The following OPRM1 variants were observed in gnomAD, a reference collection of about 807,000 sequenced individuals.
The protein encoded by OPRM1 is mu-type opioid receptor.
A neutral mutation model predicts 31.8 loss-of-function variants in OPRM1; 27 were observed. That is an observed-to-expected ratio of 0.85 (90% CI 0.63 to 1.17). The LOEUF is 1.17. Ranked by LOEUF, OPRM1 falls within the 50% of genes most tolerant of loss-of-function variation. OPRM1 has a pLI of 0.00. For missense variants in OPRM1, 536 were observed against 511.1 expected (o/e 1.05, Z -0.47); for synonymous variants, 196 against 189.9 (o/e 1.03, Z -0.26).
chr6:154,120,205 T>G lies in OPRM1; in HGVS notation c.*1484T>G, dbSNP rs1797229672. ...AGCCTACAATTGTAAAATTGTAGAC[T>G]CCATTGTAAAATTTGTATTTTTTCA... On this transcript the variant is annotated 3_prime_UTR_variant, in exon 4 of 4. Transcript: ENST00000330432. Among the ~76,000 whole-genome samples, 1 of 152,160 alleles carries G rather than the reference T, an allele frequency of 6.6e-6. No individual in the cohort carries two copies. Among genetic ancestry groups the G allele is most frequent in the South Asian group, 2.1e-4 (1 of 4,830 alleles).
intron 3 of OPRM1, among the ~76,000 whole-genome samples, chr6:154,153,249 C>T (rs1236777344): frequency 2.6e-5 from 4 of 152,258 alleles, no homozygotes; most frequent in Non-Finnish European, 4.4e-5. Flanking sequence ...GGGAGATTTG[C>T]AGTAAGCAGG....
At chr6:154,087,353 G>T in intron 1 of OPRM1, 1 of 985,414 alleles carries the variant, frequency 1.0e-6, no homozygotes, top group Non-Finnish European at 1.2e-6. Flanking sequence ...CCAACCAACA[G>T]CTGTCTTGGG....
intron 1 of OPRM1, among the ~76,000 whole-genome samples, chr6:154,063,733 T>C (rs1784829558): frequency 6.6e-6 from 1 of 152,074 alleles, no homozygotes; most frequent in Admixed American, 6.5e-5. Context: ...AGTTAACTAA[T>C]ATAAGAAGAA....
At chr6:154,042,595 T>G (rs1780302278) in intron 1 of OPRM1, among the ~76,000 whole-genome samples, 1 of 152,200 alleles carries the variant, frequency 6.6e-6, no homozygotes, top group African/African-American at 2.4e-5. Context: ...ACTCTTTGGT[T>G]CTGTTTGTAA....
Position 154,089,834 on chromosome 6 carries a change from A to C in OPRM1, c.299A>C (p.Lys100Thr), listed in dbSNP as rs200783280. 6.2e-7 allele frequency: 1 copy of C among 1,611,228 alleles called. No individual in the cohort carries two copies. The highest frequency in any genetic ancestry group is 1.1e-5 in the South Asian group (1 of 90,720). Residue 100 changes from lysine (K) to threonine (T), a missense_variant, in exon 2 of 4, where the codon AAG becomes ACG. Coordinates refer to ENST00000330432, the MANE Select transcript of OPRM1 (RefSeq NM_000914.5). ...CTTCCTTTATCTCCTAGATACACCA[A>C]GATGAAGACTGCCACCAACATCTAC... ...LVMYVIVRYT[K>T]MKTATNIYIF...
At chr6:154,197,987 C>T (rs1282410387) in intron 3 of OPRM1, among the ~76,000 whole-genome samples, 1 of 152,114 alleles carries the variant, frequency 6.6e-6, no homozygotes, top group African/African-American at 2.4e-5. Flanking sequence ...AGATAGAGGT[C>T]ATCTAGTTCA....
In OPRM1 at chr6:154,120,587, A is replaced by G. The variant is rs144331720; in HGVS notation, c.*1866A>G. Among the ~76,000 whole-genome samples, 278 of 152,296 alleles carry G rather than the reference A, an allele frequency of 1.8e-3. 3 individuals are homozygous for G. The highest frequency in any genetic ancestry group is 6.4e-3 in the African/African-American group (264 of 41,562). On this transcript the variant is annotated 3_prime_UTR_variant, in exon 4 of 4. Transcript: ENST00000330432. The stretch of plus-strand genomic sequence containing the variant: ...TGTACTAGGGTGTATATATTTACAT[A>G]TATACACTACTAGAGCTTCCAAAAG...
intron 3 of OPRM1, chr6:154,158,240 G>C (rs1483881975): frequency 6.6e-6 from 1 of 152,186 alleles, no homozygotes; most frequent in Non-Finnish European, 1.5e-5. Context: ...AAACAAAATA[G>C]GTTGTGTGAA....
At chr6:154,188,626 T>C (rs1485609073) in intron 3 of OPRM1, among the ~76,000 whole-genome samples, 2 of 152,190 alleles carry the variant, frequency 1.3e-5, no homozygotes, top group Non-Finnish European at 2.9e-5. Flanking sequence ...TGTTACCAGA[T>C]TTTAAAACTT....
intron 3 of OPRM1, among the ~76,000 whole-genome samples, chr6:154,183,201 G>T (rs763551596): frequency 2.6e-5 from 4 of 151,854 alleles, no homozygotes; most frequent in Admixed American, 6.6e-5. Context: ...GGATGGTCTC[G>T]ATCTCCTGAC....
chr6:154,087,997 A>G (rs1392891198), intron 1 of OPRM1, among the ~76,000 whole-genome samples: 1 of 152,194 alleles, frequency 6.6e-6, no homozygotes, highest in African/African-American at 2.4e-5. Flanking sequence ...ATATGTTTAT[A>G]TAAAGACTTG....
At chr6:154,191,161 T>G (rs9322449) in intron 3 of OPRM1, among the ~76,000 whole-genome samples, 25,686 of 152,016 alleles carry the variant, frequency 0.17, 2,510 homozygotes, top group East Asian at 0.43. Flanking sequence ...TACCATATAA[T>G]TGCAACTATG....
intron 3 of OPRM1, among the ~76,000 whole-genome samples, chr6:154,099,308 A>AAAGG (rs1250384082): frequency 2.0e-4 from 17 of 87,174 alleles, no homozygotes; most frequent in East Asian, 4.9e-4. Context: ...AGGAAGGAAG[A>AAAGG]AAGGAAGGAA....
chr6:154,216,615 A>G (rs1447619202), intron 3 of OPRM1, among the ~76,000 whole-genome samples: 1 of 152,196 alleles, frequency 6.6e-6, no homozygotes, highest in African/African-American at 2.4e-5. Context: ...CACACCTGTA[A>G]TCCCAGCACT....
intron 3 of OPRM1, among the ~76,000 whole-genome samples, chr6:154,216,037 G>A (rs1453104365): frequency 6.6e-6 from 1 of 152,086 alleles, no homozygotes; most frequent in Non-Finnish European, 1.5e-5. Flanking sequence ...CATGAAAACT[G>A]ATACAGCCAA....
chr6:154,135,828 T>C (rs1798047581), downstream of OPRM1, among the ~76,000 whole-genome samples: 1 of 152,214 alleles, frequency 6.6e-6, no homozygotes, highest in African/African-American at 2.4e-5. Context: ...CCAAAGCTGC[T>C]AGTTTCCCAT....
intron 3 of OPRM1, among the ~76,000 whole-genome samples, chr6:154,100,300 A>ATATTATG (rs1562473045): frequency 1.5e-3 from 214 of 146,440 alleles, no homozygotes; most frequent in East Asian, 3.2e-3. Context: ...AATATATATC[A>ATATTATG]AAAAGTCACA....
At position 154,097,161 on chromosome 6, in the gene OPRM1, A is replaced by G. The variant is rs140554865; in HGVS notation, c.1164+5689A>G. 4.9e-3 allele frequency among the ~76,000 whole-genome samples: 742 copies of G among 152,344 alleles called. 4 individuals are homozygous for G. The highest frequency in any genetic ancestry group is 0.016 in the African/African-American group (673 of 41,578). On this transcript the variant is annotated intron_variant, in intron 3 of 3. Transcript: ENST00000330432. ...TACAGGAAAAAGCAATATAATAGTG[A>G]TAAAGTGAACGTCGTGGCATGTCCT...
At chr6:154,212,322 C>A (rs926943581) in intron 3 of OPRM1, among the ~76,000 whole-genome samples, 3 of 152,184 alleles carry the variant, frequency 2.0e-5, no homozygotes, top group African/African-American at 7.2e-5. Flanking sequence ...AATGCACTAA[C>A]CCCACTCCTG....
Sources: allele counts gnomAD v4.1 joint callset (sites outside exome capture counted in the v4.1 genomes callset), GRCh38; gene constraint gnomAD v4.1.1; transcripts MANE v1.5; gene names NCBI Gene and HGNC (gene_info 2026-07-23, HGNC 2026-07-21).